The following ZC4H2 variants were observed in gnomAD, a reference collection of about 807,000 sequenced individuals.
ZC4H2 encodes the protein zinc finger C4H2 domain-containing protein.
For missense variants in ZC4H2, 137 were observed against 173.9 expected (o/e 0.79, Z 1.19); for synonymous variants, 84 against 66.3 (o/e 1.27, Z -1.30).
At chrX:64,982,526 A>C (rs997823406) in intron 1 of ZC4H2, among the ~76,000 whole-genome samples, 6 of 112,353 alleles carry the variant, frequency 5.3e-5, no homozygotes, top group Non-Finnish European at 9.4e-5. Context: ...GGAGAACCCA[A>C]ATTTGGGGAT....
chrX:65,004,117 C>T (rs766574052), intron 1 of ZC4H2, among the ~76,000 whole-genome samples: 2 of 110,733 alleles, frequency 1.8e-5, no homozygotes, highest in South Asian at 7.7e-4. Context: ...CCAAAAAAGC[C>T]CAGGATGGAT....
At chrX:64,959,656 C>T (rs1436072808) in intron 1 of ZC4H2, among the ~76,000 whole-genome samples, 4 of 108,469 alleles carry the variant, frequency 3.7e-5, no homozygotes, top group Non-Finnish European at 7.6e-5. Flanking sequence ...AAATGACAAC[C>T]TAAATACATG....
intron 1 of ZC4H2, among the ~76,000 whole-genome samples, chrX:65,021,863 A>C (rs1411602355): frequency 8.9e-6 from 1 of 111,800 alleles, no homozygotes. Context: ...GATCCCACAG[A>C]AATACTAACT....
At chrX:64,929,090 G>A (rs184511721) in intron 1 of ZC4H2, among the ~76,000 whole-genome samples, 27 of 110,003 alleles carry the variant, frequency 2.5e-4, no homozygotes, top group African/African-American at 7.3e-4. Context: ...GCAGGATTTC[G>A]CCATACTGGC....
intron 1 of ZC4H2, among the ~76,000 whole-genome samples, chrX:64,963,021 C>T (rs1931457115): frequency 9.1e-6 from 1 of 110,320 alleles, no homozygotes; most frequent in African/African-American, 3.3e-5. Context: ...ATCTTATCCC[C>T]TGATTTTATA....
intron 1 of ZC4H2, among the ~76,000 whole-genome samples, chrX:65,002,489 C>T (rs1192460382): frequency 1.8e-5 from 2 of 109,238 alleles, no homozygotes; most frequent in Admixed American, 1.9e-4. Flanking sequence ...GTGGGGGGCA[C>T]CTCTGCCCGG....
At chrX:64,999,399 C>T (rs1483293007) in intron 1 of ZC4H2, among the ~76,000 whole-genome samples, 1 of 112,214 alleles carries the variant, frequency 8.9e-6, no homozygotes, top group Non-Finnish European at 1.9e-5. Flanking sequence ...AAGAATTGTG[C>T]ATTCCGGCAC....
chrX:64,938,416 T>C (rs935515647), intron 1 of ZC4H2, among the ~76,000 whole-genome samples: 3 of 111,691 alleles, frequency 2.7e-5, no homozygotes, highest in African/African-American at 9.8e-5. Flanking sequence ...AAAGAGGGAA[T>C]ACTCTCTAAC....
intron 1 of ZC4H2, among the ~76,000 whole-genome samples, chrX:64,954,006 A>T (rs1005715078): frequency 1.8e-5 from 2 of 109,587 alleles, no homozygotes; most frequent in African/African-American, 6.7e-5. Flanking sequence ...TGATGAGTTC[A>T]TGTCCTTTGT....
At chrX:64,945,274 C>G (rs1476944356) in intron 1 of ZC4H2, among the ~76,000 whole-genome samples, 2 of 112,173 alleles carry the variant, frequency 1.8e-5, no homozygotes, top group Admixed American at 9.4e-5. Flanking sequence ...GTGTGGGCAT[C>G]CTTTATGTCG....
intron 1 of ZC4H2, among the ~76,000 whole-genome samples, chrX:64,929,873 A>G (rs760584831): frequency 9.0e-6 from 1 of 111,206 alleles, no homozygotes; most frequent in Admixed American, 9.6e-5. Flanking sequence ...GTTCCATATG[A>G]ATTTTAGATT....
chrX:64,971,163 C>T (rs1480705461), intron 1 of ZC4H2, among the ~76,000 whole-genome samples: 1 of 112,063 alleles, frequency 8.9e-6, no homozygotes, highest in Non-Finnish European at 1.9e-5. Flanking sequence ...AATAATGGGA[C>T]GCAGCCTGTA....
At chrX:65,025,968 T>C (rs955447018) in intron 1 of ZC4H2, among the ~76,000 whole-genome samples, 4 of 111,947 alleles carry the variant, frequency 3.6e-5, no homozygotes, top group African/African-American at 1.3e-4. Flanking sequence ...TAAATCTGAA[T>C]TGATGCCAGT....
intron 1 of ZC4H2, among the ~76,000 whole-genome samples, chrX:65,016,543 A>G: frequency 8.9e-6 from 1 of 112,134 alleles, no homozygotes; most frequent in Non-Finnish European, 1.9e-5. Context: ...AGATAATCCC[A>G]TAAGTACCTG....
At chrX:64,964,860 A>T (rs1251271583) in intron 1 of ZC4H2, among the ~76,000 whole-genome samples, 1 of 111,525 alleles carries the variant, frequency 9.0e-6, no homozygotes, top group East Asian at 2.8e-4. Context: ...CCAGAAAGGG[A>T]GAAATATAGT....
At chrX:64,990,279 G>A (rs1431728297) in intron 1 of ZC4H2, among the ~76,000 whole-genome samples, 1 of 111,974 alleles carries the variant, frequency 8.9e-6, no homozygotes, top group Non-Finnish European at 1.9e-5. Context: ...AAAGGGATAT[G>A]ATTCTATTCA....
intron 1 of ZC4H2, among the ~76,000 whole-genome samples, chrX:64,946,131 A>G (rs917933498): frequency 1.8e-5 from 2 of 109,345 alleles, no homozygotes; most frequent in African/African-American, 3.3e-5. Flanking sequence ...GGCGTGTGGG[A>G]AAAAAAACCA....
intron 1 of ZC4H2, among the ~76,000 whole-genome samples, chrX:65,012,918 T>C (rs189221110): frequency 1.8e-5 from 2 of 111,668 alleles, no homozygotes; most frequent in African/African-American, 6.5e-5. Context: ...TGTCTCTTTT[T>C]ATTGGGAAAG....
intron 1 of ZC4H2, among the ~76,000 whole-genome samples, chrX:65,015,089 G>A (rs916912207): frequency 1.8e-5 from 2 of 110,316 alleles, no homozygotes; most frequent in African/African-American, 6.5e-5. Flanking sequence ...GCCTTCCCCT[G>A]CCATCAATTA....
Sources: gnomAD v4.1 joint callset for allele counts (sites outside exome capture counted in the v4.1 genomes callset) on GRCh38, gnomAD v4.1.1 for gene constraint, MANE v1.5 for transcripts, NCBI Gene and HGNC (gene_info 2026-07-23, HGNC 2026-07-21) for gene names.